KIF1A: variants seen among roughly 807,000 people sequenced by gnomAD.
KIF1A encodes kinesin-like protein KIF1A.
A neutral mutation model predicts 227.3 loss-of-function variants in KIF1A; 46 were observed. That is an observed-to-expected ratio of 0.20 (90% CI 0.16 to 0.26). The LOEUF is 0.26. Among genes scored for constraint, KIF1A ranks in the 10% least tolerant of loss-of-function variants. The pLI, the probability that KIF1A is intolerant of heterozygous loss-of-function variation, is 1.00. For synonymous variants in KIF1A, 1,022 were observed against 1,012.8 expected (o/e 1.01, Z -0.17); for missense variants, 1,683 against 2,485.9 (o/e 0.68, Z 6.87).
At position 240,807,130 on chromosome 2, in the gene KIF1A, G is replaced by GTATATATATATATA. The variant is rs57742435; in HGVS notation, c.-60-9332_-60-9319dup. On this transcript the variant is annotated intron_variant, in intron 1 of 48. Coordinates refer to ENST00000498729, the MANE Select transcript of KIF1A (RefSeq NM_001244008.2). ...TGTGTGTGTGTGTGTGTGTGTGTGT[G>GTATATATATATATA]TATATATATATATATATATATACAC... Among the ~76,000 whole-genome samples the GTATATATATATATA allele has an allele frequency of 1.4e-3, 162 of 119,478 alleles. 3 individuals carry two copies. Among genetic ancestry groups the GTATATATATATATA allele is most frequent in the African/African-American group, 4.4e-3 (146 of 32,850 alleles). The allele number at this position is 119,478 out of a possible 152,430, so 78.4% of individuals were successfully genotyped here.
At chr2:240,815,559 G>A (rs955848421) in intron 1 of KIF1A, among the ~76,000 whole-genome samples, 3 of 152,158 alleles carry the variant, frequency 2.0e-5, no homozygotes, top group East Asian at 1.9e-4. Context: ...CCCCTGAGAG[G>A]GTGGCCAAAG....
Position 240,769,685 on chromosome 2 carries a change from C to A in KIF1A, c.1363G>T (p.Glu455Ter). The A allele has an allele frequency of 1.9e-6, 3 of 1,613,566 alleles. No homozygotes were observed. Among genetic ancestry groups the A allele is most frequent in the Non-Finnish European group, 2.5e-6 (3 of 1,179,764 alleles). ...RLKETEKIIA[E>*]LNETWEEKLR... ...TTCTCCTCCCAGGTCTCATTGAGCT[C>A]AGCTATGATCTTCTCTGTTTCCTGG... The change falls in exon 16 of 49, where the codon GAG (glutamate) becomes TAG (stop). Residue 455 changes from glutamate (E) to a stop codon, truncating the protein, a stop_gained. Coordinates refer to ENST00000498729, the MANE Select transcript of KIF1A (RefSeq NM_001244008.2). LOFTEE classifies it high-confidence loss of function.
chr2:240,761,175 G>A (rs1045789788), intron 24 of KIF1A, 54 bp downstream of exon 24: 4 of 1,554,348 alleles, frequency 2.6e-6, no homozygotes, highest in African/African-American at 1.4e-5. Context: ...CCCGTCATGA[G>A]TGAGGTGACA....
In KIF1A at chr2:240,800,105, GACACACACAC is replaced by G. The variant is rs3220094; in HGVS notation, c.-60-2303_-60-2294del. Among the ~76,000 whole-genome samples, 849 of 143,064 alleles carry G rather than the reference GACACACACAC, an allele frequency of 5.9e-3. 3 individuals carry two copies. The highest frequency in any genetic ancestry group is 0.02 in the African/African-American group (783 of 38,214). 93.9% of individuals were successfully genotyped at this position (143,064 alleles called of 152,430 possible). Reference sequence around the variant, plus strand: ...GAACAGACTAAGCATGTCCAAAGCAGACACACACACACACACACACACACACACACACACA... The same window carrying G: ...GAACAGACTAAGCATGTCCAAAGCAGACACACACACACACACACACACACA... On this transcript the variant is annotated intron_variant, in intron 1 of 48. Coordinates refer to ENST00000498729, the MANE Select transcript of KIF1A (RefSeq NM_001244008.2).
chr2:240,771,900 T>G (rs188196663), intron 14 of KIF1A, among the ~76,000 whole-genome samples: 67 of 152,218 alleles, frequency 4.4e-4, no homozygotes, highest in Non-Finnish European at 9.0e-4. Context: ...GCCAGGGGTC[T>G]CCTAGCGGAA....
intron 8 of KIF1A, 45 bp from the exon 9 acceptor site, chr2:240,783,154 G>A (rs749201128): frequency 6.9e-7 from 1 of 1,457,628 alleles, no homozygotes; most frequent in Non-Finnish European, 9.6e-7. Flanking sequence ...GGGGACCCGT[G>A]GGGCCTCCTG....
At chr2:240,791,554 G>A (rs181274661) in intron 2 of KIF1A, among the ~76,000 whole-genome samples, 5 of 149,006 alleles carry the variant, frequency 3.4e-5, no homozygotes, top group Non-Finnish European at 4.5e-5. Flanking sequence ...CTGCACTCAG[G>A]TCGGGCTCCC....
intron 44 of KIF1A, 69 bp from the exon 45 acceptor site, chr2:240,721,107 C>T (rs1246719506): frequency 3.2e-6 from 5 of 1,579,166 alleles, no homozygotes; most frequent in Admixed American, 1.8e-5. Flanking sequence ...GGAGCTGCTC[C>T]CTGTGCCTGC....
chr2:240,782,986 A>G, intron 9 of KIF1A, 58 bp downstream of exon 9: 2 of 1,369,974 alleles, frequency 1.5e-6, no homozygotes, highest in South Asian at 2.3e-5. Flanking sequence ...CAGGGGCAGG[A>G]TGGGGCGCCA....
At chr2:240,747,523 G>T (rs1287012940) in intron 28 of KIF1A, among the ~76,000 whole-genome samples, 2 of 152,152 alleles carry the variant, frequency 1.3e-5, no homozygotes, top group African/African-American at 2.4e-5. Context: ...CTGCCCAGGG[G>T]CCCCAAAGCA....
chr2:240,760,322 C>T (rs1235192034), intron 25 of KIF1A, among the ~76,000 whole-genome samples: 1 of 152,264 alleles, frequency 6.6e-6, no homozygotes, highest in Non-Finnish European at 1.5e-5. Context: ...TCTTGGCGCT[C>T]CGCCAGCCTG....
At chr2:240,751,933 C>T (rs919001747) in intron 27 of KIF1A, among the ~76,000 whole-genome samples, 6 of 152,156 alleles carry the variant, frequency 3.9e-5, no homozygotes, top group East Asian at 1.9e-4. Flanking sequence ...TTGGCCGTCT[C>T]GTTCATTCTG....
intron 13 of KIF1A, 102 bp downstream of exon 13, chr2:240,773,012 C>T (rs946361728): frequency 1.5e-5 from 19 of 1,305,174 alleles, no homozygotes; most frequent in African/African-American, 2.9e-5. Flanking sequence ...AGGGTGCAGC[C>T]AGCAAAGTGG....
rs1401684116 is a variant in KIF1A, at chr2:240,721,833, C to T, written c.4717G>A (p.Val1573Ile). Residue 1573 changes from valine (V) to isoleucine (I), a missense_variant, in exon 44 of 49, where the codon GTC becomes ATC. By Grantham distance (29) the Val-to-Ile change is conservative. Around this residue, in one of 12 missense-constraint regions of KIF1A, gnomAD observed 384 missense variants for 410.1 expected, o/e 0.94. Transcript: ENST00000498729. The stretch of plus-strand genomic sequence containing the variant: ...TTGCTCTCGCTGGCACTGACGCAGA[C>T]GTGGCTGTGTGTGTACTCTCTGTTG... ...TFNREYTHSH[V>I]CVSASESKLS... is the part of the protein sequence containing the mutation. The T allele has an allele frequency of 1.2e-5, 20 of 1,606,990 alleles. No individual in the cohort carries two copies. The highest frequency in any genetic ancestry group is 2.2e-5 in the East Asian group (1 of 44,878).
chr2:240,807,116 G>A (rs111351638), intron 1 of KIF1A, among the ~76,000 whole-genome samples: 62,058 of 139,632 alleles, frequency 0.44, 14,941 homozygotes, highest in African/African-American at 0.65. Context: ...GTGTGTGTGT[G>A]TGTGTGTGTG....
At chr2:240,808,787 A>G (rs572569228) in intron 1 of KIF1A, among the ~76,000 whole-genome samples, 11 of 152,108 alleles carry the variant, frequency 7.2e-5, no homozygotes, top group Admixed American at 5.9e-4. Flanking sequence ...TTGGAGTGCA[A>G]CGGTGCGATC....
At position 240,752,772 on chromosome 2, in the gene KIF1A, A is replaced by G. The variant is rs1468321387; in HGVS notation, c.2859-2225T>C. 6.6e-6 allele frequency among the ~76,000 whole-genome samples: 1 copy of G among 151,364 alleles called. No homozygotes were observed. Among genetic ancestry groups the G allele is most frequent in the African/African-American group, 2.4e-5 (1 of 41,292 alleles). On this transcript the variant is annotated intron_variant, in intron 27 of 48. Transcript: ENST00000498729. This position sits in a 1 kb window ranked among gnomAD's most constrained non-coding sequence, Gnocchi z 6.4. The stretch of plus-strand genomic sequence containing the variant: ...GTTGGAGGGCAGAAGGGCACTGAGG[A>G]TGAAGAGACTGCCCCCACCCCACTC...
chr2:240,714,996 C>T lies in KIF1A; in HGVS notation c.*2368G>A, dbSNP rs1559468666. 1 of 152,298 alleles carries T rather than the reference C, an allele frequency of 6.6e-6. No homozygotes were observed. 9.4% of individuals were successfully genotyped at this position (152,298 alleles called of 1,614,324 possible). A position where few individuals can be genotyped will look rare whatever the true frequency, so the allele number is the denominator to read the frequency against. The stretch of plus-strand genomic sequence containing the variant: ...GCTCTGCAGGTTGGCTGGCCTCAGA[C>T]ACCTGCGACCTGGGGGGTGCGCCCA... On this transcript the variant is annotated 3_prime_UTR_variant, in exon 49 of 49. Transcript: ENST00000498729.
chr2:240,783,655 G>T, intron 8 of KIF1A, 84 bp downstream of exon 8: 4 of 1,119,134 alleles, frequency 3.6e-6, no homozygotes, highest in Non-Finnish European at 3.9e-6. Context: ...CAGGCCCCCG[G>T]GACCCCAACA....
Sources: allele counts gnomAD v4.1 joint callset (sites outside exome capture counted in the v4.1 genomes callset), GRCh38; gene constraint gnomAD v4.1.1; regional missense constraint gnomAD v4.1.1; non-coding constraint Gnocchi (gnomAD v3.1); transcripts MANE v1.5; gene names NCBI Gene and HGNC (gene_info 2026-07-23, HGNC 2026-07-21).